SCIN: variants seen among roughly 807,000 people sequenced by gnomAD.
The protein encoded by SCIN is adseverin.
In SCIN, 91 loss-of-function variants were observed where a neutral mutation model predicts 91.8. The ratio of observed to expected loss-of-function variants is 0.99; its 90% CI spans 0.84 to 1.18. The LOEUF is 1.18. Among genes scored for constraint, SCIN ranks in the 50% most tolerant of loss-of-function variants. The probability of loss-of-function intolerance (pLI) is 0.00; values close to 1 mark genes in which losing one functional copy is unlikely to be tolerated. For missense variants in SCIN, 1,087 were observed against 863.9 expected, an observed-to-expected ratio of 1.26 and a Z score of -3.24; for synonymous variants, 367 against 312.6, an observed-to-expected ratio of 1.17 and a Z score of -1.84.
intron 1 of SCIN, among the ~76,000 whole-genome samples, chr7:12,574,572 G>T (rs1210515945): frequency 3.3e-5 from 5 of 152,068 alleles, no homozygotes; most frequent in Non-Finnish European, 7.4e-5. Flanking sequence ...AAAATAGGTG[G>T]ATTATATCAA....
intron 1 of SCIN, 49 bp downstream of exon 1, chr7:12,571,034 G>A (rs920673681): frequency 6.6e-7 from 1 of 1,515,470 alleles, no homozygotes; most frequent in African/African-American, 1.4e-5. Context: ...GCCGGCGAGG[G>A]GAGGGCGTAG....
At chr7:12,612,082 A>G (rs1416158671) in intron 4 of SCIN, among the ~76,000 whole-genome samples, 1 of 152,174 alleles carries the variant, frequency 6.6e-6, no homozygotes, top group Non-Finnish European at 1.5e-5. Context: ...TGTCTGAGTT[A>G]TCAGTTGGGT....
chr7:12,614,171 C>T (rs530977114), intron 4 of SCIN, among the ~76,000 whole-genome samples: 13 of 152,272 alleles, frequency 8.5e-5, no homozygotes, highest in Admixed American at 3.3e-4. Flanking sequence ...GGGAATGGCA[C>T]GACTTCTCTC....
intron 13 of SCIN, among the ~76,000 whole-genome samples, chr7:12,645,458 C>T (rs938285417): frequency 2.1e-5 from 3 of 143,022 alleles, no homozygotes; most frequent in African/African-American, 7.7e-5. Flanking sequence ...CTACAAACCA[C>T]GGTGACAACC....
At chr7:12,599,315 T>C (rs1782907757) in intron 3 of SCIN, among the ~76,000 whole-genome samples, 1 of 152,002 alleles carries the variant, frequency 6.6e-6, no homozygotes, top group South Asian at 2.1e-4. Context: ...CAAAATATCA[T>C]GGAATAAGAT....
rs1783439453 is a variant in SCIN at position 12,622,900 on chromosome 7, T to A, written c.759+7T>A. ...AATGGCTAAACTATACATGGTGAGTTCACTGTAACCAAATTTATTGTTTCA... is the reference window on the plus strand; with the variant it reads ...AATGGCTAAACTATACATGGTGAGTACACTGTAACCAAATTTATTGTTTCA... On this transcript the variant is annotated splice_region_variant and intron_variant, in intron 5 of 15. Coordinates refer to ENST00000297029, the MANE Select transcript of SCIN (RefSeq NM_001112706.3). 6.3e-7 allele frequency: 1 copy of A among 1,595,666 alleles called. No individual in the cohort carries two copies.
intron 1 of SCIN, chr7:12,571,186 G>A (rs1782263001): frequency 4.9e-6 from 3 of 607,766 alleles, no homozygotes; most frequent in Non-Finnish European, 8.5e-6. Context: ...GGGCTCAGGC[G>A]TTGTCCGCAA....
intron 3 of SCIN, among the ~76,000 whole-genome samples, chr7:12,602,959 C>A (rs1024210380): frequency 1.3e-5 from 2 of 152,054 alleles, no homozygotes; most frequent in Non-Finnish European, 2.9e-5. Context: ...ATTATAAGAG[C>A]ATTATTTGGG....
At chr7:12,596,555 C>G (rs1782846325) in intron 3 of SCIN, 3 of 420,626 alleles carry the variant, frequency 7.1e-6, no homozygotes, top group African/African-American at 2.0e-5. Flanking sequence ...CCTCTCCTGC[C>G]CCACTCATGC....
At chr7:12,602,273 G>A (rs571579888) in intron 3 of SCIN, among the ~76,000 whole-genome samples, 42 of 152,306 alleles carry the variant, frequency 2.8e-4, no homozygotes, top group Admixed American at 2.7e-3. Context: ...AGAACAGGGA[G>A]TAGGTCACAA....
chr7:12,572,093 A>AT (rs1672284552), intron 1 of SCIN, among the ~76,000 whole-genome samples: 1 of 152,238 alleles, frequency 6.6e-6, no homozygotes, highest in South Asian at 2.1e-4. Context: ...ACATTTGAAG[A>AT]TTTTAAGAAA....
rs1783836222 is a variant in SCIN, at chr7:12,640,462, CT to C, written c.1527del (p.Thr510HisfsTer26). On this transcript the variant is annotated frameshift_variant, in exon 11 of 16. Coordinates refer to ENST00000297029, the MANE Select transcript of SCIN (RefSeq NM_001112706.3). LOFTEE classifies it high-confidence loss of function. ...SKKGGQAPAP[P>X]TRLFQVRRNL... ...AAAGGAGGTCAGGCACCTGCTCCCC[CT>C]ACACGCCTCTTTCAAGTCCGGAGAA... The C allele has an allele frequency of 6.2e-7, 1 of 1,613,138 alleles. No homozygotes were observed. The highest frequency in any genetic ancestry group is 1.3e-5 in the African/African-American group (1 of 74,972).
intron 4 of SCIN, among the ~76,000 whole-genome samples, chr7:12,611,438 G>A (rs969717792): frequency 2.0e-5 from 3 of 152,272 alleles, no homozygotes; most frequent in East Asian, 3.9e-4. Flanking sequence ...CTGTGGAAAT[G>A]TTTGTCCTAA....
At position 12,653,107 on chromosome 7, in the gene SCIN, A is replaced by G. The variant is rs1297468369; in HGVS notation, c.*392A>G. ...GCAACAGAGACTCTGTCTCAAAAAA[A>G]AAAAAAAAAAAAATTAACCTCAACC... On this transcript the variant is annotated 3_prime_UTR_variant, in exon 16 of 16. Transcript: ENST00000297029. This position sits in a 1 kb window ranked among gnomAD's most constrained non-coding sequence, Gnocchi z 4.1. 6.6e-6 allele frequency: 1 copy of G among 152,214 alleles called. No homozygotes were observed. Among genetic ancestry groups the G allele is most frequent in the Non-Finnish European group, 1.5e-5 (1 of 68,552 alleles). The allele number at this position is 152,214 out of a possible 1,614,324, so 9.4% of individuals were successfully genotyped here.
chr7:12,591,643 G>A (rs1195928717), intron 3 of SCIN, among the ~76,000 whole-genome samples: 2 of 152,150 alleles, frequency 1.3e-5, no homozygotes, highest in East Asian at 3.9e-4. Context: ...AGGGGTTTAG[G>A]GGTTCATTGG....
At chr7:12,571,083 CA>C (rs1294957296) in intron 1 of SCIN, 98 bp downstream of exon 1, 1 of 1,296,942 alleles carries the variant, frequency 7.7e-7, no homozygotes, top group Non-Finnish European at 1.0e-6. Flanking sequence ...AAGGGGACCG[CA>C]AACTGAGCTA....
chr7:12,605,144 C>G (rs1012068082), intron 4 of SCIN, among the ~76,000 whole-genome samples: 1 of 152,084 alleles, frequency 6.6e-6, no homozygotes, highest in African/African-American at 2.4e-5. Context: ...CTCTGCCTCC[C>G]GGGTTCACGC....
chr7:12,590,757 G>C (rs1782704743), intron 3 of SCIN, among the ~76,000 whole-genome samples: 1 of 152,142 alleles, frequency 6.6e-6, no homozygotes, highest in South Asian at 2.1e-4. Context: ...TATAACTCCT[G>C]CTTTAGCTGG....
intron 3 of SCIN, among the ~76,000 whole-genome samples, chr7:12,594,625 G>A (rs1314909627): frequency 6.6e-6 from 1 of 152,146 alleles, no homozygotes; most frequent in Admixed American, 6.5e-5. Context: ...TGCGATTGCG[G>A]AGGAGACACC....
Sources: allele counts gnomAD v4.1 joint callset (sites outside exome capture counted in the v4.1 genomes callset), GRCh38; gene constraint gnomAD v4.1.1; non-coding constraint Gnocchi (gnomAD v3.1); transcripts MANE v1.5; gene names NCBI Gene and HGNC (gene_info 2026-07-23, HGNC 2026-07-21).